The following RORC variants were observed in gnomAD, a reference collection of about 807,000 sequenced individuals.
The protein encoded by RORC is RAR related orphan receptor C, also known as nuclear receptor ROR-gamma.
Under a neutral mutation model 64.5 loss-of-function variants are expected in RORC, and 13 were observed. The observed-to-expected ratio is 0.20, with a 90% CI of 0.13 to 0.32. The LOEUF is 0.32. Among genes scored for constraint, RORC ranks in the 10% least tolerant of loss-of-function variants. The pLI is 1.00. For synonymous variants in RORC, 277 were observed against 259.3 expected (o/e 1.07, Z -0.65); for missense variants, 468 against 669.5 (o/e 0.70, Z 3.32).
At position 151,830,668 on chromosome 1, in the gene RORC, C is replaced by G. The variant is rs981593059; in HGVS notation, c.40+1057G>C. Among the ~76,000 whole-genome samples the G allele has an allele frequency of 8.4e-5, 2 of 23,928 alleles. No homozygotes were observed. Among genetic ancestry groups the G allele is most frequent in the Non-Finnish European group, 4.0e-4 (2 of 4,968 alleles). 15.7% of individuals were successfully genotyped at this position (23,928 alleles called of 152,430 possible). A position where few individuals can be genotyped will look rare whatever the true frequency, so the allele number is the denominator to read the frequency against. ...CACACACACACACACACACAGTGCC[C>G]TTCTGCCCGGGAGATGCTCCCCACT... On this transcript the variant is annotated intron_variant, in intron 1 of 10. Transcript: ENST00000318247. This position sits in a 1 kb window ranked among gnomAD's most constrained non-coding sequence, Gnocchi z 4.0.
chr1:151,812,956 T>G lies in RORC; in HGVS notation c.1276A>C (p.Ile426Leu). Residue 426 changes from isoleucine (I) to leucine (L), a missense_variant, in exon 9 of 11, where the codon ATC (isoleucine) becomes CTC (leucine). Around this residue, in one of 5 missense-constraint regions of RORC, gnomAD observed 93 missense variants for 116.6 expected, o/e 0.80. Transcript: ENST00000318247. ...GCCCAGCAACACTCACGGGCATTGA[T>G]GAGAACAAGGGCTGTGTAGAGGGCA... Reference protein sequence around the residue: ...EIALYTALVLINAHRPGLQEK... With the variant: ...EIALYTALVLLNAHRPGLQEK... The G allele has an allele frequency of 1.2e-6, 2 of 1,610,520 alleles. No homozygotes were observed. Among genetic ancestry groups the G allele is most frequent in the Non-Finnish European group, 1.7e-6 (2 of 1,176,808 alleles).
At chr1:151,817,333 C>T in intron 2 of RORC, 53 bp from the exon 3 acceptor site, 1 of 1,227,180 alleles carries the variant, frequency 8.1e-7, no homozygotes, top group Non-Finnish European at 1.2e-6. Flanking sequence ...CTGCATTCAA[C>T]CACCATGTAC....
intron 2 of RORC, among the ~76,000 whole-genome samples, chr1:151,822,973 C>T (rs940862384): frequency 4.6e-5 from 7 of 152,234 alleles, no homozygotes; most frequent in African/African-American, 1.2e-4. Flanking sequence ...AGCAGCACAG[C>T]GGCAGGGGAT....
At chr1:151,825,974 C>T (rs1652178693) in intron 2 of RORC, 1 of 1,611,954 alleles carries the variant, frequency 6.2e-7, no homozygotes. Context: ...GCTCCCTGTC[C>T]TTCTCAGCAG....
intron 1 of RORC, among the ~76,000 whole-genome samples, 188 bp from the exon 2 acceptor site, chr1:151,829,646 C>T (rs1220501485): frequency 2.0e-5 from 3 of 152,214 alleles, no homozygotes; most frequent in Non-Finnish European, 4.4e-5. Context: ...GGCCCTCTTC[C>T]AGGTACCCAG....
At chr1:151,816,636 C>T (rs1357188902) in intron 4 of RORC, 28 bp downstream of exon 4, 2 of 1,588,014 alleles carry the variant, frequency 1.3e-6, no homozygotes, top group Non-Finnish European at 1.7e-6. Flanking sequence ...ACCAGGAAAA[C>T]CCCAGGGGGC....
At chr1:151,817,366 T>A in intron 2 of RORC, 86 bp from the exon 3 acceptor site, 1 of 897,210 alleles carries the variant, frequency 1.1e-6, no homozygotes, top group Non-Finnish European at 1.9e-6. Context: ...TACAGGTACC[T>A]GGTGCTTCCA....
rs1001402492 is a variant in RORC, at chr1:151,813,540, G to A, written c.1014C>T (p.Leu338=). 1.2e-6 allele frequency: 2 copies of A among 1,614,172 alleles called. No individual in the cohort carries two copies. The change falls in exon 7 of 11, where the codon CTC becomes CTT. Residue 338 remains leucine (L), a synonymous_variant. Coordinates refer to ENST00000318247, the MANE Select transcript of RORC (RefSeq NM_005060.4). ...IQYVVEFAKR[L]SGFMELCQND... is the part of the protein sequence containing the mutation. ...TCTGGCAGAGCTCCATAAAGCCTGA[G>A]AGCCTCTTGGCGAACTCCACCACGT...
intron 10 of RORC, among the ~76,000 whole-genome samples, chr1:151,810,013 A>G (rs1321425227): frequency 1.3e-5 from 2 of 151,944 alleles, no homozygotes. Context: ...CTGCCCCACC[A>G]GTCTATCCCA....
At chr1:151,818,189 T>C (rs896426187) in intron 2 of RORC, among the ~76,000 whole-genome samples, 1 of 152,220 alleles carries the variant, frequency 6.6e-6, no homozygotes, top group Non-Finnish European at 1.5e-5. Context: ...TCCCCTGAGC[T>C]TTCCATTATG....
At chr1:151,822,811 A>G (rs1205455171) in intron 2 of RORC, among the ~76,000 whole-genome samples, 2 of 152,206 alleles carry the variant, frequency 1.3e-5, no homozygotes, top group African/African-American at 2.4e-5. Context: ...TGAGCCTCAG[A>G]GCCCCAGGGA....
intron 2 of RORC, among the ~76,000 whole-genome samples, chr1:151,821,644 T>TCTGG (rs775909056): frequency 6.6e-6 from 1 of 152,130 alleles, no homozygotes; most frequent in Non-Finnish European, 1.5e-5. Context: ...AAGTGGCAGA[T>TCTGG]CTGGCATTTG....
At position 151,814,873 on chromosome 1, in the gene RORC, C is replaced by A; in HGVS notation, c.811+40G>T. On this transcript the variant is annotated intron_variant, in intron 5 of 10. Transcript: ENST00000318247. ...TACGGGGTACTGGTGGAAACCCCTC[C>A]CTCATCTCTACCACCCTCTCCACCT... The A allele has an allele frequency of 6.3e-7, 1 of 1,590,402 alleles. No individual in the cohort carries two copies. The highest frequency in any genetic ancestry group is 8.6e-7 in the Non-Finnish European group (1 of 1,166,034).
intron 1 of RORC, 116 bp downstream of exon 1, chr1:151,831,609 T>C: frequency 6.3e-7 from 1 of 1,596,934 alleles, no homozygotes; most frequent in Non-Finnish European, 8.5e-7. Context: ...CTTTCTCCTC[T>C]GCACTCTTGT....
rs1038637258 is a variant in RORC, at chr1:151,830,717, T to C, written c.40+1008A>G. On this transcript the variant is annotated intron_variant, in intron 1 of 10. Coordinates refer to ENST00000318247, the MANE Select transcript of RORC (RefSeq NM_005060.4). The surrounding 1 kb of genome is among the most constrained non-coding windows in gnomAD (Gnocchi z 4.0). ...CTGGCAGGCCGTGGTCACTAGGCTG[T>C]GTGGAGGCGAGTGGCCTGATGGCCT... 6.6e-6 allele frequency among the ~76,000 whole-genome samples: 1 copy of C among 151,174 alleles called. No homozygotes were observed.
Position 151,830,578 on chromosome 1 carries a change from C to T in RORC, c.41-1120G>A, listed in dbSNP as rs1400074477. On this transcript the variant is annotated intron_variant, in intron 1 of 10. Coordinates refer to ENST00000318247, the MANE Select transcript of RORC (RefSeq NM_005060.4). The surrounding 1 kb of genome is among the most constrained non-coding windows in gnomAD (Gnocchi z 4.0). ...AGCTTCCCTAACCTCTGACTCTATT[C>T]TGTTATTTTTTTCCTTCTGCTGTTC... Among the ~76,000 whole-genome samples, 1 of 149,296 alleles carries T rather than the reference C, an allele frequency of 6.7e-6. No homozygotes were observed. The highest frequency in any genetic ancestry group is 1.5e-5 in the Non-Finnish European group (1 of 67,580).
At chr1:151,820,933 G>C (rs1296518356) in intron 2 of RORC, among the ~76,000 whole-genome samples, 1 of 152,170 alleles carries the variant, frequency 6.6e-6, no homozygotes, top group African/African-American at 2.4e-5. Context: ...CTTTTCCTGA[G>C]CTCATTCTTG....
chr1:151,825,132 C>T (rs970442061), intron 2 of RORC, among the ~76,000 whole-genome samples: 3 of 152,174 alleles, frequency 2.0e-5, no homozygotes, highest in African/African-American at 7.2e-5. Context: ...CAGACATCTG[C>T]CCACCAACTG....
At chr1:151,809,392 AAAAC>A (rs918261543) in intron 10 of RORC, among the ~76,000 whole-genome samples, 4 of 152,174 alleles carry the variant, frequency 2.6e-5, no homozygotes, top group African/African-American at 9.7e-5. Flanking sequence ...AGTCTGCCTC[AAAAC>A]AAACAAACAG....
Sources: allele counts gnomAD v4.1 joint callset (sites outside exome capture counted in the v4.1 genomes callset), GRCh38; gene constraint gnomAD v4.1.1; regional missense constraint gnomAD v4.1.1; non-coding constraint Gnocchi (gnomAD v3.1); transcripts MANE v1.5; gene names NCBI Gene and HGNC (gene_info 2026-07-23, HGNC 2026-07-21).